ADARB2: variants seen among roughly 807,000 people sequenced by gnomAD.
The protein encoded by ADARB2 is inactive double-stranded RNA-specific editase B2.
Under a neutral mutation model 62.2 loss-of-function variants are expected in ADARB2, and 25 were observed. That is an observed-to-expected ratio of 0.40 (90% CI 0.29 to 0.56). The LOEUF is 0.56. Ranked by LOEUF, ADARB2 falls within the 20% of genes least tolerant of loss-of-function variation. The probability of loss-of-function intolerance (pLI) is 0.43; values close to 1 mark genes in which losing one functional copy is unlikely to be tolerated. For synonymous variants in ADARB2, 572 were observed against 500.8 expected, an observed-to-expected ratio of 1.14 and a Z score of -1.90; for missense variants, 1,071 against 1,077.4, an observed-to-expected ratio of 0.99 and a Z score of 0.08.
At chr10:1,328,211 G>C (rs576386040) in intron 3 of ADARB2, among the ~76,000 whole-genome samples, 1 of 152,214 alleles carries the variant, frequency 6.6e-6, no homozygotes, top group Non-Finnish European at 1.5e-5. Context: ...GGAGATGAGC[G>C]ATTGTGGCGG....
intron 4 of ADARB2, among the ~76,000 whole-genome samples, chr10:1,244,860 C>T (rs191399406): frequency 6.6e-6 from 1 of 152,238 alleles, no homozygotes; most frequent in Admixed American, 6.5e-5. Context: ...GGAAAGGGCA[C>T]AGGCATATTC....
rs1052227108 is a variant in ADARB2 at position 1,449,023 on chromosome 10, G to T, written c.101-69863C>A. Among the ~76,000 whole-genome samples, 3 of 152,146 alleles carry T rather than the reference G, an allele frequency of 2.0e-5. 1 individual carries two copies. The highest frequency in any genetic ancestry group is 4.4e-5 in the Non-Finnish European group (3 of 68,030). On this transcript the variant is annotated intron_variant, in intron 1 of 9. Coordinates refer to ENST00000381312, the MANE Select transcript of ADARB2 (RefSeq NM_018702.4). ...TGGAGAAGCGAGTTCGGGGAGAAAA[G>T]GGTTCTGGGTAATTGTGTCCTGCAC...
At chr10:1,439,972 T>C (rs1182808692) in intron 1 of ADARB2, among the ~76,000 whole-genome samples, 3 of 128,072 alleles carry the variant, frequency 2.3e-5, no homozygotes, top group Non-Finnish European at 4.9e-5. Context: ...ACAGAAGCAG[T>C]TTCTTCACTA....
At chr10:1,467,894 G>C (rs1350088284) in intron 1 of ADARB2, among the ~76,000 whole-genome samples, 1 of 152,120 alleles carries the variant, frequency 6.6e-6, no homozygotes, top group Admixed American at 6.6e-5. Flanking sequence ...TCTGTCTGAC[G>C]AGGACATTGA....
chr10:1,195,400 G>T (rs7085017), intron 8 of ADARB2, among the ~76,000 whole-genome samples: 98,232 of 116,324 alleles, frequency 0.84, 40,279 homozygotes, highest in Middle Eastern at 0.93. Flanking sequence ...TTTTTTTTTT[G>T]TTTTTTTTTT....
intron 1 of ADARB2, among the ~76,000 whole-genome samples, chr10:1,440,985 C>T (rs576636943): frequency 2.0e-5 from 3 of 152,342 alleles, no homozygotes; most frequent in African/African-American, 7.2e-5. Flanking sequence ...CACAACACTG[C>T]AGGATATTTT....
intron 1 of ADARB2, among the ~76,000 whole-genome samples, chr10:1,676,532 CATTTTT>C (rs1010609860): frequency 3.9e-5 from 6 of 152,182 alleles, no homozygotes; most frequent in African/African-American, 1.4e-4. Flanking sequence ...TTTCCCCCTT[CATTTTT>C]ATTTTTGAGA....
intron 1 of ADARB2, among the ~76,000 whole-genome samples, chr10:1,599,611 C>A (rs1316069457): frequency 6.6e-6 from 1 of 152,182 alleles, no homozygotes; most frequent in Non-Finnish European, 1.5e-5. Flanking sequence ...GAAGATGCAA[C>A]CCTCCCAGTT....
chr10:1,635,575 C>T (rs1564353763), intron 1 of ADARB2, among the ~76,000 whole-genome samples: 1 of 152,120 alleles, frequency 6.6e-6, no homozygotes, highest in East Asian at 1.9e-4. Context: ...GGTGATTGCC[C>T]CGCCCACTCT....
At chr10:1,674,191 C>T (rs1331971706) in intron 1 of ADARB2, among the ~76,000 whole-genome samples, 1 of 152,144 alleles carries the variant, frequency 6.6e-6, no homozygotes, top group Non-Finnish European at 1.5e-5. Flanking sequence ...TTCTCTACTT[C>T]AGAAAAAAAT....
chr10:1,409,995 T>C (rs12413919), intron 1 of ADARB2, among the ~76,000 whole-genome samples: 1 of 4,276 alleles, frequency 2.3e-4, no homozygotes, highest in Non-Finnish European at 1.5e-3. Context: ...TCAGTGGTGC[T>C]GAGGCCTGGC....
intron 4 of ADARB2, among the ~76,000 whole-genome samples, chr10:1,246,839 A>G (rs1451834660): frequency 1.3e-5 from 2 of 151,482 alleles, no homozygotes; most frequent in African/African-American, 2.4e-5. Context: ...TTGGTTCCAT[A>G]TGAACTTTAG....
At chr10:1,549,609 C>A (rs11250613) in intron 1 of ADARB2, among the ~76,000 whole-genome samples, 51,043 of 151,800 alleles carry the variant, frequency 0.34, 9,141 homozygotes, top group Non-Finnish European at 0.4. Flanking sequence ...AAGAGGCGAA[C>A]GCAATGCAGA....
At chr10:1,332,900 T>A (rs1831942658) in intron 3 of ADARB2, among the ~76,000 whole-genome samples, 1 of 152,224 alleles carries the variant, frequency 6.6e-6, no homozygotes, top group South Asian at 2.1e-4. Context: ...TCCCTCTCTC[T>A]AGATTTTGAG....
intron 1 of ADARB2, among the ~76,000 whole-genome samples, chr10:1,416,872 G>A (rs11250501): frequency 0.036 from 5,537 of 152,342 alleles, 342 homozygotes; most frequent in African/African-American, 0.13. Context: ...GAGAGAAGGT[G>A]TCGGCCTGGG....
intron 1 of ADARB2, among the ~76,000 whole-genome samples, chr10:1,682,461 C>A (rs979080743): frequency 6.6e-6 from 1 of 152,216 alleles, no homozygotes; most frequent in South Asian, 2.1e-4. Context: ...AACCAACCAA[C>A]CAAGCAAAAA....
chr10:1,620,574 AC>A (rs1309495255), intron 1 of ADARB2, among the ~76,000 whole-genome samples: 1 of 152,266 alleles, frequency 6.6e-6, no homozygotes, highest in Non-Finnish European at 1.5e-5. Context: ...ACAATCTTTT[AC>A]AAACTGTTCT....
intron 1 of ADARB2, among the ~76,000 whole-genome samples, chr10:1,483,718 C>T (rs886102918): frequency 1.4e-4 from 9 of 64,608 alleles, no homozygotes; most frequent in Non-Finnish European, 2.7e-4. Context: ...AATGATTTAG[C>T]ATTTACAGGT....
intron 1 of ADARB2, among the ~76,000 whole-genome samples, chr10:1,539,452 T>C (rs1564322426): frequency 6.6e-6 from 1 of 152,130 alleles, no homozygotes; most frequent in Non-Finnish European, 1.5e-5. Flanking sequence ...AAGGGGACAT[T>C]GGGCCTGTTG....
Sources: gnomAD v4.1 joint callset for allele counts (sites outside exome capture counted in the v4.1 genomes callset) on GRCh38, gnomAD v4.1.1 for gene constraint, MANE v1.5 for transcripts, NCBI Gene and HGNC (gene_info 2026-07-23, HGNC 2026-07-21) for gene names.